The following FAM163B variants were observed in gnomAD, a reference collection of about 807,000 sequenced individuals.
FAM163B encodes the protein family with sequence similarity 163 member B.
In FAM163B, 4 loss-of-function variants were observed where a neutral mutation model predicts 7.6. The observed-to-expected ratio is 0.52, with a 90% CI of 0.26 to 1.20. The LOEUF is 1.20. Ranked by LOEUF, FAM163B falls within the 50% of genes most tolerant of loss-of-function variation. The probability of loss-of-function intolerance (pLI) is 0.14; values close to 1 mark genes in which losing one functional copy is unlikely to be tolerated. For synonymous variants in FAM163B, 120 were observed against 111.6 expected, an observed-to-expected ratio of 1.07 and a Z score of -0.47; for missense variants, 250 against 243.0, an observed-to-expected ratio of 1.03 and a Z score of -0.19.
At position 133,579,260 on chromosome 9, in the gene FAM163B, C is replaced by G. The variant is rs767403214; in HGVS notation, c.263G>C (p.Arg88Pro). Residue 88 changes from arginine (R) to proline (P), a missense_variant, in exon 3 of 3, where the codon CGC becomes CCC. By Grantham distance (103) the Arg-to-Pro change is moderately radical. Coordinates refer to ENST00000673969, the MANE Select transcript of FAM163B (RefSeq NM_001080515.3). ...TSFSQKSPQA[R>P]ALCRSCSHCE... ...GTGGGAGCAGCTGCGGCAGAGGGCG[C>G]GGGCCTGCGGGGACTTCTGGCTGAA... The G allele has an allele frequency of 1.6e-5, 26 of 1,612,252 alleles. No individual in the cohort carries two copies. Among genetic ancestry groups the G allele is most frequent in the African/African-American group, 2.7e-5 (2 of 74,916 alleles).
intron 2 of FAM163B, 107 bp from the exon 3 acceptor site, chr9:133,579,536 T>C: frequency 7.1e-7 from 1 of 1,405,164 alleles, no homozygotes; most frequent in South Asian, 1.4e-5. Context: ...ACGGTGGGAG[T>C]GGGGTGGCCC....
At chr9:133,591,258 A>G (rs565850663) in intron 1 of FAM163B, among the ~76,000 whole-genome samples, 20 of 152,262 alleles carry the variant, frequency 1.3e-4, no homozygotes, top group African/African-American at 4.3e-4. Context: ...AGCCCTCTCC[A>G]TCCTGGGTCC....
At chr9:133,586,755 A>T (rs1831444754) in intron 1 of FAM163B, among the ~76,000 whole-genome samples, 1 of 152,170 alleles carries the variant, frequency 6.6e-6, no homozygotes, top group Non-Finnish European at 1.5e-5. Flanking sequence ...GGGTAGGAGT[A>T]AGGCAGGGGT....
chr9:133,605,739 C>T (rs753107542), intron 1 of FAM163B, among the ~76,000 whole-genome samples: 20 of 152,168 alleles, frequency 1.3e-4, no homozygotes, highest in Admixed American at 5.9e-4. Flanking sequence ...CCCGAGCGTC[C>T]GGCGCTGCCT....
chr9:133,596,918 T>G (rs1400481101), intron 1 of FAM163B, among the ~76,000 whole-genome samples: 1 of 152,248 alleles, frequency 6.6e-6, no homozygotes, highest in Non-Finnish European at 1.5e-5. Flanking sequence ...GGGAAGGTTC[T>G]AATTCATGAA....
In FAM163B at chr9:133,601,623, T is replaced by C. The variant is rs368999526; in HGVS notation, c.-24+7454A>G. ...CTCCTACACGCTGGCTTGCTTCCCATTTCTGGAACACTGCAAGTCCCTTCT... is the reference window on the plus strand; with the variant it reads ...CTCCTACACGCTGGCTTGCTTCCCACTTCTGGAACACTGCAAGTCCCTTCT... On this transcript the variant is annotated intron_variant, in intron 1 of 2. Coordinates refer to ENST00000673969, the MANE Select transcript of FAM163B (RefSeq NM_001080515.3). This position sits in a 1 kb window ranked among gnomAD's most constrained non-coding sequence, Gnocchi z 4.1. Among the ~76,000 whole-genome samples, 40 of 152,336 alleles carry C rather than the reference T, an allele frequency of 2.6e-4. No individual in the cohort carries two copies. In the East Asian group the frequency reaches 5.8e-3, roughly 22 times the overall value.
chr9:133,599,446 CTGTG>C (rs927974779), intron 1 of FAM163B, among the ~76,000 whole-genome samples: 4 of 152,070 alleles, frequency 2.6e-5, no homozygotes, highest in African/African-American at 7.2e-5. Flanking sequence ...CTGTGTGTGT[CTGTG>C]TATCTGTGTC....
At chr9:133,592,584 C>T (rs1213574675) in intron 1 of FAM163B, among the ~76,000 whole-genome samples, 1 of 152,170 alleles carries the variant, frequency 6.6e-6, no homozygotes, top group South Asian at 2.1e-4. Flanking sequence ...TTGCCCTCTC[C>T]GGCCAAGGGC....
At position 133,601,446 on chromosome 9, in the gene FAM163B, G is replaced by A. The variant is rs1831728324; in HGVS notation, c.-24+7631C>T. Among the ~76,000 whole-genome samples, 1 of 152,146 alleles carries A rather than the reference G, an allele frequency of 6.6e-6. No homozygotes were observed. Among genetic ancestry groups the A allele is most frequent in the Non-Finnish European group, 1.5e-5 (1 of 68,020 alleles). On this transcript the variant is annotated intron_variant, in intron 1 of 2. Coordinates refer to ENST00000673969, the MANE Select transcript of FAM163B (RefSeq NM_001080515.3). This position sits in a 1 kb window ranked among gnomAD's most constrained non-coding sequence, Gnocchi z 4.1. ...CAGGTGAGAGGATTTTTTAGAAACTGGTCATGCTGTCAATACAAATAGCAG... is the reference window on the plus strand; with the variant it reads ...CAGGTGAGAGGATTTTTTAGAAACTAGTCATGCTGTCAATACAAATAGCAG...
intron 1 of FAM163B, among the ~76,000 whole-genome samples, chr9:133,597,605 GA>G (rs1240626566): frequency 5.3e-5 from 8 of 152,122 alleles, no homozygotes; most frequent in Non-Finnish European, 1.0e-4. Flanking sequence ...CAAATTGGAT[GA>G]TATTATAAAC....
intron 2 of FAM163B, 43 bp downstream of exon 2, chr9:133,580,088 T>TGG: frequency 6.4e-7 from 1 of 1,558,410 alleles, no homozygotes; most frequent in Non-Finnish European, 8.8e-7. Flanking sequence ...GGGCACCCTC[T>TGG]GGGCCTCCCT....
At chr9:133,593,033 G>A (rs556181269) in intron 1 of FAM163B, among the ~76,000 whole-genome samples, 4 of 152,304 alleles carry the variant, frequency 2.6e-5, no homozygotes, top group East Asian at 1.9e-4. Flanking sequence ...TTAGGAACAC[G>A]GAACGCGTGT....
At chr9:133,599,768 GT>G (rs1199607151) in intron 1 of FAM163B, among the ~76,000 whole-genome samples, 2 of 148,588 alleles carry the variant, frequency 1.3e-5, no homozygotes, top group East Asian at 2.0e-4. Flanking sequence ...GTACAAGTGT[GT>G]TTTTGTCTGT....
intron 1 of FAM163B, among the ~76,000 whole-genome samples, chr9:133,587,079 T>C (rs1022479533): frequency 1.2e-4 from 19 of 152,110 alleles, no homozygotes; most frequent in African/African-American, 4.1e-4. Flanking sequence ...AGTGAGATGA[T>C]CCACTGAGCA....
chr9:133,593,150 C>G (rs1831580252), intron 1 of FAM163B, among the ~76,000 whole-genome samples: 1 of 152,188 alleles, frequency 6.6e-6, no homozygotes, highest in Admixed American at 6.5e-5. Context: ...AAGGTTTCCC[C>G]CCCTGTATCG....
At position 133,595,646 on chromosome 9, in the gene FAM163B, T is replaced by C. The variant is rs1451183849; in HGVS notation, c.-24+13431A>G. On this transcript the variant is annotated intron_variant, in intron 1 of 2. Coordinates refer to ENST00000673969, the MANE Select transcript of FAM163B (RefSeq NM_001080515.3). The stretch of plus-strand genomic sequence containing the variant: ...CCCAGGGTCAGGCCTCAGGTTCCCC[T>C]TCCTTCCCCATGTCCACCCGTTCCC... 2.6e-5 allele frequency among the ~76,000 whole-genome samples: 4 copies of C among 152,222 alleles called. No individual in the cohort carries two copies. In the South Asian group the frequency reaches 6.2e-4, roughly 24 times the overall value.
intron 1 of FAM163B, chr9:133,586,004 G>T (rs1020764242): frequency 6.6e-6 from 1 of 152,288 alleles, no homozygotes; most frequent in African/African-American, 2.4e-5. Flanking sequence ...CGGCGTCCTC[G>T]ATCGGAGGAG....
chr9:133,579,111 A>G lies in FAM163B; in HGVS notation c.412T>C (p.Phe138Leu). ...QEDVELPPGG[F>L]GGLQALNPNR... ...GGGTTGAGCGCCTGCAGGCCCCCGA[A>G]GCCCCCCGGGGGCAGCTCCACGTCC... is the stretch of plus-strand genomic sequence containing the variant. Residue 138 changes from phenylalanine to leucine, a missense_variant, in exon 3 of 3, where the codon TTC becomes CTC. By Grantham distance (22) the Phe-to-Leu change is conservative. Coordinates refer to ENST00000673969, the MANE Select transcript of FAM163B (RefSeq NM_001080515.3). 3 of 1,606,318 alleles carry G rather than the reference A, an allele frequency of 1.9e-6. No homozygotes were observed. Among genetic ancestry groups the G allele is most frequent in the Non-Finnish European group, 2.5e-6 (3 of 1,178,920 alleles).
chr9:133,588,629 T>TTAAGGCATGC (rs1831482362), intron 1 of FAM163B, among the ~76,000 whole-genome samples: 5 of 47,872 alleles, frequency 1.0e-4, no homozygotes, highest in Admixed American at 2.1e-4. Context: ...ATCTAGCATG[T>TTAAGGCATGC]TGAGGGATCT....
Sources: gnomAD v4.1 joint callset for allele counts (sites outside exome capture counted in the v4.1 genomes callset) on GRCh38, gnomAD v4.1.1 for gene constraint, Gnocchi (gnomAD v3.1) non-coding constraint, MANE v1.5 for transcripts, NCBI Gene and HGNC (gene_info 2026-07-23, HGNC 2026-07-21) for gene names.